Variants in FAM184A observed in about 807,000 individuals in gnomAD.
The protein encoded by FAM184A is family with sequence similarity 184 member A.
FAM184A carries 99 observed loss-of-function variants against 143.8 expected under a neutral mutation model. That is an observed-to-expected ratio of 0.69 (90% CI 0.58 to 0.81). The LOEUF is 0.81. Among genes scored for constraint, FAM184A ranks in the 40% least tolerant of loss-of-function variants. The pLI, the probability that FAM184A is intolerant of heterozygous loss-of-function variation, is 0.00. For synonymous variants in FAM184A, 427 were observed against 446.4 expected (o/e 0.96, Z 0.55); for missense variants, 1,217 against 1,310.5 (o/e 0.93, Z 1.10).
intron 6 of FAM184A, among the ~76,000 whole-genome samples, chr6:119,008,017 G>A (rs1784978136): frequency 6.6e-6 from 1 of 151,400 alleles, no homozygotes; most frequent in South Asian, 2.1e-4. Context: ...TACAAATCTA[G>A]AGATAGAATA....
intron 9 of FAM184A, among the ~76,000 whole-genome samples, chr6:118,990,815 G>A (rs537160958): frequency 4.6e-5 from 7 of 151,952 alleles, no homozygotes; most frequent in African/African-American, 7.2e-5. Flanking sequence ...AGTTTGAACC[G>A]AGAGGCGAGG....
At position 119,006,574 on chromosome 6, in the gene FAM184A, T is replaced by C; in HGVS notation, c.1688A>G (p.Glu563Gly). The change falls in exon 7 of 18, where the codon GAA (glutamate) becomes GGA (glycine). Residue 563 changes from glutamate to glycine, a missense_variant. By Grantham distance (98) the Glu-to-Gly change is moderately conservative. Transcript: ENST00000338891. ...GHLQDMVRKSEQGLGSAEGLI... is the reference protein window; with the variant it reads ...GHLQDMVRKSGQGLGSAEGLI... ...TCCTTCTGCAGAGCCAAGACCTTGT[T>C]CACTTTTCCTTACCATATCTTGGAG... 6.2e-7 allele frequency: 1 copy of C among 1,613,440 alleles called. No homozygotes were observed. Among genetic ancestry groups the C allele is most frequent in the African/African-American group, 1.3e-5 (1 of 75,050 alleles).
intron 1 of FAM184A, among the ~76,000 whole-genome samples, chr6:119,099,256 C>T (rs1788583858): frequency 6.6e-6 from 1 of 152,090 alleles, no homozygotes; most frequent in Non-Finnish European, 1.5e-5. Context: ...TTGTAACAAG[C>T]CAGTGTTTCC....
At chr6:118,977,178 A>T (rs565497814) in intron 11 of FAM184A, among the ~76,000 whole-genome samples, 1 of 152,184 alleles carries the variant, frequency 6.6e-6, no homozygotes, top group Non-Finnish European at 1.5e-5. Context: ...ACTACGGTGG[A>T]TCAAAACCAC....
At chr6:119,001,056 GA>G (rs1383711497) in intron 9 of FAM184A, among the ~76,000 whole-genome samples, 1 of 150,444 alleles carries the variant, frequency 6.6e-6, no homozygotes, top group Admixed American at 6.7e-5. Flanking sequence ...CCAGAGCCAA[GA>G]AGGAAGGTTT....
chr6:119,042,275 T>A (rs1394688307), intron 1 of FAM184A, among the ~76,000 whole-genome samples: 4 of 152,314 alleles, frequency 2.6e-5, no homozygotes, highest in African/African-American at 9.6e-5. Flanking sequence ...TTTTTCCTTT[T>A]TCTTCTCCTC....
chr6:119,140,975 A>T (rs1291702927), intron 1 of FAM184A, among the ~76,000 whole-genome samples: 1 of 152,228 alleles, frequency 6.6e-6, no homozygotes, highest in African/African-American at 2.4e-5. Flanking sequence ...ACAACTGGAG[A>T]TAAGCCACCT....
At position 119,069,224 on chromosome 6, in the gene FAM184A, C is replaced by T. The variant is rs553657792; in HGVS notation, c.159+8917G>A. On this transcript the variant is annotated intron_variant, in intron 1 of 17. Transcript: ENST00000338891. The stretch of plus-strand genomic sequence containing the variant: ...ATAAAGTAGGCATTCGACAAGTTTA[C>T]CAAACACATAGACCTATATATTCTA... 4.2e-5 allele frequency: 9 copies of T among 214,734 alleles called. No individual in the cohort carries two copies. The South Asian group carries it at 6.0e-4, about 14-fold the overall frequency. 13.3% of individuals were successfully genotyped at this position (214,734 alleles called of 1,614,324 possible).
chr6:118,963,820 G>T (rs1406084974), intron 16 of FAM184A: 1 of 151,590 alleles, frequency 6.6e-6, no homozygotes, highest in East Asian at 1.9e-4. Context: ...TTTATTCACA[G>T]AATAATTTGT....
intron 1 of FAM184A, among the ~76,000 whole-genome samples, chr6:119,139,315 A>T (rs1014078268): frequency 2.6e-5 from 4 of 152,298 alleles, no homozygotes; most frequent in Admixed American, 2.6e-4. Flanking sequence ...TCAAGTGTCA[A>T]AACCACAGGC....
chr6:118,968,022 GATAAC>G (rs1227236879), intron 14 of FAM184A, among the ~76,000 whole-genome samples: 1 of 152,156 alleles, frequency 6.6e-6, no homozygotes, highest in Non-Finnish European at 1.5e-5. Flanking sequence ...AAGATTTGGA[GATAAC>G]ATATTAGGCC....
Position 118,966,896 on chromosome 6 carries a change from T to C in FAM184A, c.2972A>G (p.Gln991Arg). 1.9e-6 allele frequency: 3 copies of C among 1,590,442 alleles called. No homozygotes were observed. Among genetic ancestry groups the C allele is most frequent in the Non-Finnish European group, 2.6e-6 (3 of 1,161,446 alleles). ...CATGGCTTTTAATTCTGTAATCATC[T>C]GTATATCTTCTGGTTTTGATTCTCT... ...LMRESKPEDI[Q>R]MITELKAMLT... The change falls in exon 15 of 18, where the codon CAG becomes CGG. Residue 991 changes from glutamine to arginine, a missense_variant. Coordinates refer to ENST00000338891, the MANE Select transcript of FAM184A (RefSeq NM_024581.6).
chr6:118,990,059 C>T (rs920764812), intron 9 of FAM184A, among the ~76,000 whole-genome samples: 6 of 152,132 alleles, frequency 3.9e-5, no homozygotes, highest in African/African-American at 9.7e-5. Context: ...ATCTTCTGAC[C>T]TCGTGATCCG....
chr6:119,001,952 A>T (rs1425843514), intron 9 of FAM184A, among the ~76,000 whole-genome samples: 1 of 152,056 alleles, frequency 6.6e-6, no homozygotes, highest in Non-Finnish European at 1.5e-5. Flanking sequence ...TTTTTGTCTG[A>T]GTTTCAAGTG....
intron 1 of FAM184A, among the ~76,000 whole-genome samples, chr6:119,030,592 T>C (rs952566832): frequency 1.3e-5 from 2 of 152,002 alleles, no homozygotes; most frequent in African/African-American, 4.8e-5. Context: ...AACTGATCAC[T>C]GAAATTTCAA....
chr6:119,026,659 C>T (rs1303202009), intron 1 of FAM184A, among the ~76,000 whole-genome samples: 1 of 152,088 alleles, frequency 6.6e-6, no homozygotes, highest in African/African-American at 2.4e-5. Context: ...AACTGACCGA[C>T]GTTAACATTA....
In FAM184A at chr6:119,078,042, C is replaced by A. The variant is rs1405435359; in HGVS notation, c.159+99G>T. On this transcript the variant is annotated intron_variant, in intron 1 of 17. Transcript: ENST00000338891. This position sits in a 1 kb window ranked among gnomAD's most constrained non-coding sequence, Gnocchi z 5.5. ...TGCTTCGGCGGAGGAGTAGAGTTCC[C>A]CTCGCTGCGGGCGCAGGGCGCACTG... The A allele has an allele frequency of 4.3e-6, 6 of 1,383,194 alleles. No individual in the cohort carries two copies. Among genetic ancestry groups the A allele is most frequent in the South Asian group, 1.4e-5 (1 of 73,212 alleles). 85.7% of individuals were successfully genotyped at this position (1,383,194 alleles called of 1,614,324 possible).
chr6:119,063,217 ACAAT>A (rs1328593737), intron 1 of FAM184A, among the ~76,000 whole-genome samples: 3 of 152,256 alleles, frequency 2.0e-5, no homozygotes, highest in Non-Finnish European at 2.9e-5. Context: ...AAAAGACAGT[ACAAT>A]CAAATAACTC....
At chr6:119,002,843 C>A in intron 9 of FAM184A, 56 bp downstream of exon 9, 4 of 1,424,570 alleles carry the variant, frequency 2.8e-6, no homozygotes, top group South Asian at 1.6e-5. Context: ...CAATATTTGC[C>A]TAGCCAGAGA....
Sources: gnomAD v4.1 joint callset for allele counts (sites outside exome capture counted in the v4.1 genomes callset) on GRCh38, gnomAD v4.1.1 for gene constraint, Gnocchi (gnomAD v3.1) non-coding constraint, MANE v1.5 for transcripts, NCBI Gene and HGNC (gene_info 2026-07-23, HGNC 2026-07-21) for gene names.